The following FNDC3B variants were observed in gnomAD, a reference collection of about 807,000 sequenced individuals.
The protein encoded by FNDC3B is fibronectin type III domain-containing protein 3B.
Under a neutral mutation model 151.5 loss-of-function variants are expected in FNDC3B, and 12 were observed. The observed-to-expected ratio is 0.08, with a 90% confidence interval of 0.05 to 0.13. FNDC3B has a LOEUF of 0.13. Among genes scored for constraint, FNDC3B ranks in the 10% least tolerant of loss-of-function variants. The probability of loss-of-function intolerance (pLI) is 1.00; values close to 1 mark genes in which losing one functional copy is unlikely to be tolerated. For missense variants in FNDC3B, 1,214 were observed against 1,505.3 expected (o/e 0.81, Z 3.20); for synonymous variants, 528 against 549.0 (o/e 0.96, Z 0.54).
At chr3:172,129,328 T>C (rs369567463) in intron 2 of FNDC3B, among the ~76,000 whole-genome samples, 1 of 152,184 alleles carries the variant, frequency 6.6e-6, no homozygotes, top group African/African-American at 2.4e-5. Context: ...GAGTGACTGG[T>C]AATTTTTTTA....
At position 172,118,799 on chromosome 3, in the gene FNDC3B, C is replaced by G. The variant is rs535033434; in HGVS notation, c.111+6209C>G. 2.6e-5 allele frequency among the ~76,000 whole-genome samples: 4 copies of G among 152,326 alleles called. No homozygotes were observed. The East Asian group carries it at 7.7e-4, about 29-fold the overall frequency. On this transcript the variant is annotated intron_variant, in intron 2 of 25. Transcript: ENST00000415807. The stretch of plus-strand genomic sequence containing the variant: ...TTGCTGACTGCCGTTCATGCTTCCT[C>G]TACCACTCAAATTTATAAAGCCCTC...
chr3:172,212,702 C>G (rs1725792775), intron 3 of FNDC3B, among the ~76,000 whole-genome samples: 1 of 152,200 alleles, frequency 6.6e-6, no homozygotes, highest in Admixed American at 6.5e-5. Context: ...CAGGTTTCTT[C>G]TCTTTTACTT....
chr3:172,395,957 G>A (rs1384889862), intron 25 of FNDC3B, among the ~76,000 whole-genome samples: 4 of 152,140 alleles, frequency 2.6e-5, no homozygotes, highest in Admixed American at 1.3e-4. Flanking sequence ...ACTCTCGTGC[G>A]CAAAGGGATC....
intron 18 of FNDC3B, 115 bp from the exon 19 acceptor site, chr3:172,343,971 G>A: frequency 1.2e-6 from 1 of 853,056 alleles, no homozygotes; most frequent in South Asian, 1.7e-5. Flanking sequence ...TTGTAAGGGA[G>A]ATACTGAGGC....
intron 1 of FNDC3B, among the ~76,000 whole-genome samples, chr3:172,103,677 A>G (rs573227916): frequency 1.3e-5 from 2 of 152,148 alleles, no homozygotes; most frequent in Non-Finnish European, 2.9e-5. Flanking sequence ...TTTTTAATCT[A>G]AAAAACTCAG....
chr3:172,115,838 C>T (rs771867445), intron 2 of FNDC3B, among the ~76,000 whole-genome samples: 23 of 152,282 alleles, frequency 1.5e-4, no homozygotes, highest in South Asian at 2.1e-4. Context: ...GTATTTACAG[C>T]GTTCTTAATA....
At chr3:172,330,489 C>A (rs750447801) in intron 12 of FNDC3B, 52 bp from the exon 13 acceptor site, 4 of 1,510,784 alleles carry the variant, frequency 2.6e-6, no homozygotes, top group Non-Finnish European at 2.7e-6. Flanking sequence ...TTTTAAAATG[C>A]CAAGCCTCTT....
At chr3:172,086,976 G>T (rs1290124569) in intron 1 of FNDC3B, among the ~76,000 whole-genome samples, 1 of 152,162 alleles carries the variant, frequency 6.6e-6, no homozygotes, top group Admixed American at 6.6e-5. Context: ...CACCACAGGT[G>T]GTGAGTTCCT....
At chr3:172,271,795 G>T (rs1434412627) in intron 6 of FNDC3B, among the ~76,000 whole-genome samples, 2 of 152,238 alleles carry the variant, frequency 1.3e-5, no homozygotes, top group Non-Finnish European at 2.9e-5. Flanking sequence ...TCTGCTTTGA[G>T]AATTATTGCT....
At chr3:172,277,999 A>G (rs1488724845) in intron 6 of FNDC3B, among the ~76,000 whole-genome samples, 2 of 152,196 alleles carry the variant, frequency 1.3e-5, no homozygotes, top group Non-Finnish European at 2.9e-5. Flanking sequence ...TCTGGATTTG[A>G]TACCCATATC....
At chr3:172,287,698 T>C (rs550697358) in intron 7 of FNDC3B, among the ~76,000 whole-genome samples, 2 of 152,210 alleles carry the variant, frequency 1.3e-5, no homozygotes, top group Non-Finnish European at 2.9e-5. Context: ...CAGATATTCC[T>C]AGTCACTGCT....
intron 3 of FNDC3B, among the ~76,000 whole-genome samples, chr3:172,187,907 G>A (rs73023580): frequency 0.12 from 18,892 of 151,994 alleles, 1,256 homozygotes; most frequent in East Asian, 0.18. Context: ...GATATAAGCC[G>A]CGGCCCAGCC....
At chr3:172,261,664 G>A (rs1728653740) in intron 6 of FNDC3B, among the ~76,000 whole-genome samples, 1 of 152,122 alleles carries the variant, frequency 6.6e-6, no homozygotes, top group Admixed American at 6.5e-5. Context: ...AAGGTCCCTG[G>A]GAAACAACAG....
At chr3:172,242,256 G>A (rs1361956023) in intron 4 of FNDC3B, among the ~76,000 whole-genome samples, 2 of 152,194 alleles carry the variant, frequency 1.3e-5, no homozygotes, top group African/African-American at 2.4e-5. Context: ...TGTGATGCAA[G>A]CTGTTGGTGG....
intron 1 of FNDC3B, among the ~76,000 whole-genome samples, chr3:172,073,511 A>G (rs1717877219): frequency 6.6e-6 from 1 of 152,238 alleles, no homozygotes; most frequent in African/African-American, 2.4e-5. Context: ...TTCAGTTGGC[A>G]AAACAACCTT....
intron 9 of FNDC3B, 42 bp from the exon 10 acceptor site, chr3:172,307,321 A>G (rs1172688914): frequency 2.8e-5 from 45 of 1,609,796 alleles, no homozygotes; most frequent in African/African-American, 6.7e-5. Context: ...CTGGTCTTCT[A>G]TGATGAGTCA....
intron 19 of FNDC3B, 35 bp downstream of exon 19, chr3:172,344,293 G>T (rs774002576): frequency 3.2e-6 from 5 of 1,564,188 alleles, no homozygotes; most frequent in Non-Finnish European, 4.3e-6. Flanking sequence ...ACCAGAATCA[G>T]AATGCATAAT....
chr3:172,097,078 A>G (rs999894681), intron 1 of FNDC3B, among the ~76,000 whole-genome samples: 3 of 152,208 alleles, frequency 2.0e-5, no homozygotes, highest in Non-Finnish European at 4.4e-5. Flanking sequence ...AACAGATTCT[A>G]TTATTAGGTT....
chr3:172,360,714 A>G (rs1734313931), intron 22 of FNDC3B, among the ~76,000 whole-genome samples: 1 of 152,080 alleles, frequency 6.6e-6, no homozygotes, highest in African/African-American at 2.4e-5. Context: ...TTGCTTTTGC[A>G]CCTTTGTCAA....
Sources: allele counts gnomAD v4.1 joint callset (sites outside exome capture counted in the v4.1 genomes callset), GRCh38; gene constraint gnomAD v4.1.1; transcripts MANE v1.5; gene names NCBI Gene and HGNC (gene_info 2026-07-23, HGNC 2026-07-21).